Variants in TTC6 observed in about 807,000 individuals in gnomAD.
TTC6 encodes the protein tetratricopeptide repeat protein 6.
Under a neutral mutation model 210.4 loss-of-function variants are expected in TTC6, and 172 were observed. The observed-to-expected ratio is 0.82, with a 90% CI of 0.72 to 0.93. The LOEUF (loss-of-function observed/expected upper bound fraction) is 0.93. Among genes scored for constraint, TTC6 ranks in the 40% least tolerant of loss-of-function variants. The probability of loss-of-function intolerance (pLI) is 0.00; values close to 1 mark genes in which losing one functional copy is unlikely to be tolerated. For synonymous variants in TTC6, 804 were observed against 819.6 expected (o/e 0.98, Z 0.32); for missense variants, 2,414 against 2,318.1 (o/e 1.04, Z -0.85).
chr14:37,812,592 G>GA (rs1384050078), intron 25 of TTC6, among the ~76,000 whole-genome samples, 159 bp downstream of exon 27: 11 of 132,458 alleles, frequency 8.3e-5, no homozygotes, highest in Non-Finnish European at 1.6e-4. Flanking sequence ...TAGGCTCTTT[G>GA]AAAAAATGTA....
Position 37,792,432 on chromosome 14 carries a change from A to G in TTC6, c.3708+18A>G. ...ATTTTAAGGTATTTAAGGCTCGAGA[A>G]CCTTGATTTTTTTAAAAAAACTTTA... is the stretch of plus-strand genomic sequence containing the variant. On this transcript the variant is annotated intron_variant, in intron 17 of 30. Transcript: ENST00000553443. The G allele has an allele frequency of 6.9e-7, 1 of 1,449,136 alleles. No homozygotes were observed. The highest frequency in any genetic ancestry group is 9.0e-7 in the Non-Finnish European group (1 of 1,110,028). 89.8% of individuals were successfully genotyped at this position (1,449,136 alleles called of 1,614,324 possible).
In TTC6 at chr14:37,692,385, G is replaced by A. The variant is rs143069514; in HGVS notation, c.1258-4332G>A. 3.2e-4 allele frequency among the ~76,000 whole-genome samples: 49 copies of A among 151,948 alleles called. No homozygotes were observed. The East Asian group carries it at 9.1e-3, about 28-fold the overall frequency. ...AATCCCACTTTGGGATGCAAGGATG[G>A]TTCAACATATGCAAATCAATTAATG... On this transcript the variant is annotated intron_variant, in intron 3 of 30. Transcript: ENST00000553443.
chr14:37,840,132 A>T (rs1224533202), intron 29 of TTC6, among the ~76,000 whole-genome samples: 1 of 152,104 alleles, frequency 6.6e-6, no homozygotes, highest in Non-Finnish European at 1.5e-5. Context: ...AATCAAATAG[A>T]CACAATAAAA....
chr14:37,758,054 A>G (rs937232524), intron 14 of TTC6, among the ~76,000 whole-genome samples: 19 of 152,146 alleles, frequency 1.2e-4, no homozygotes, highest in Admixed American at 4.6e-4. Context: ...ACTGTTTGTT[A>G]TGATTTCCAT....
chr14:37,637,813 A>G (rs2095683900), intron 1 of TTC6, among the ~76,000 whole-genome samples: 1 of 152,192 alleles, frequency 6.6e-6, no homozygotes, highest in Admixed American at 6.5e-5. Context: ...TAAAATAATA[A>G]TTAAAAAAAG....
chr14:37,765,118 C>T (rs1224262606), intron 14 of TTC6, among the ~76,000 whole-genome samples: 2 of 151,508 alleles, frequency 1.3e-5, no homozygotes, highest in African/African-American at 4.8e-5. Flanking sequence ...TAAGTTTGTC[C>T]CCAACTTGAT....
intron 5 of TTC6, among the ~76,000 whole-genome samples, chr14:37,713,381 G>GGT (rs1283694529): frequency 6.6e-6 from 1 of 152,174 alleles, no homozygotes; most frequent in Non-Finnish European, 1.5e-5. Context: ...TGGGACTACA[G>GGT]GTGTGTGCCA....
Position 37,652,732 on chromosome 14 carries a change from C to T in TTC6, c.940-27419C>T, listed in dbSNP as rs177864. 4.7e-3 allele frequency among the ~76,000 whole-genome samples: 720 copies of T among 152,162 alleles called. 12 individuals are homozygous for T. The highest frequency in any genetic ancestry group is 0.016 in the African/African-American group (658 of 41,514). On this transcript the variant is annotated intron_variant, in intron 1 of 30. Coordinates refer to ENST00000553443, the Ensembl canonical transcript of TTC6. The stretch of plus-strand genomic sequence containing the variant: ...TAATGTTACTAGTTTCTGACTTCCC[C>T]GCCTCCATTAAGAGAAGATTTGTTG...
intron 7 of TTC6, among the ~76,000 whole-genome samples, chr14:37,725,506 A>G (rs71407726): frequency 0.057 from 8,592 of 150,680 alleles, 377 homozygotes; most frequent in Non-Finnish European, 0.089. Flanking sequence ...ATGTGCCACC[A>G]CACCTGGCTA....
chr14:37,775,217 A>T (rs1030577650), intron 14 of TTC6, among the ~76,000 whole-genome samples: 1 of 152,044 alleles, frequency 6.6e-6, no homozygotes, highest in Non-Finnish European at 1.5e-5. Context: ...GGCTTTTCAC[A>T]TCTCAATTTC....
intron 7 of TTC6, among the ~76,000 whole-genome samples, chr14:37,728,694 T>C (rs1409150853): frequency 6.6e-6 from 1 of 152,202 alleles, no homozygotes; most frequent in East Asian, 1.9e-4. Flanking sequence ...GGTCCTACTA[T>C]TATTATTTTA....
intron 1 of TTC6, among the ~76,000 whole-genome samples, chr14:37,647,948 TGTCAA>T (rs2139408485): frequency 6.6e-6 from 1 of 152,238 alleles, no homozygotes; most frequent in South Asian, 2.1e-4. Context: ...TGTCAAATAC[TGTCAA>T]GTCTAGTAAG....
At chr14:37,631,566 T>C (rs1418483222) in intron 1 of TTC6, among the ~76,000 whole-genome samples, 1 of 152,198 alleles carries the variant, frequency 6.6e-6, no homozygotes, top group Non-Finnish European at 1.5e-5. Flanking sequence ...ATTTCAACCT[T>C]GATAAACCTG....
chr14:37,609,860 C>A (rs35143297), intron 2 of TTC6, among the ~76,000 whole-genome samples: 1 of 152,208 alleles, frequency 6.6e-6, no homozygotes, highest in South Asian at 2.1e-4. Context: ...TGGCCTGAAG[C>A]GGCTACTCCT....
At chr14:37,831,591 T>G (rs1446137793) in intron 29 of TTC6, among the ~76,000 whole-genome samples, 1 of 135,736 alleles carries the variant, frequency 7.4e-6, no homozygotes, top group Non-Finnish European at 1.6e-5. Context: ...TTTTTGTGTG[T>G]GTTTTTCTTT....
intron 4 of TTC6, among the ~76,000 whole-genome samples, chr14:37,699,028 T>C (rs947532183): frequency 2.0e-5 from 3 of 152,184 alleles, no homozygotes; most frequent in African/African-American, 7.2e-5. Flanking sequence ...GCCAGCCATA[T>C]TGAGTGGTCA....
chr14:37,622,807 A>G (rs911489430), exon 1 of TTC6: 12 of 1,533,996 alleles, frequency 7.8e-6, no homozygotes, highest in South Asian at 1.2e-5. Flanking sequence ...TTAGGAGCCC[A>G]GGGAGAACAG....
chr14:37,822,384 A>G (rs920764413), intron 26 of TTC6, among the ~76,000 whole-genome samples: 2 of 152,196 alleles, frequency 1.3e-5, no homozygotes, highest in African/African-American at 4.8e-5. Flanking sequence ...CTCTTGAGTA[A>G]CCTCTAGAAG....
chr14:37,826,292 G>A (rs2096171352), exon 28 of TTC6: 1 of 1,611,916 alleles, frequency 6.2e-7, no homozygotes, highest in South Asian at 1.1e-5. Flanking sequence ...GCTGTGGTCT[G>A]TCTTCAGATG....
Sources: allele counts gnomAD v4.1 joint callset (sites outside exome capture counted in the v4.1 genomes callset), GRCh38; gene constraint gnomAD v4.1.1; transcripts MANE v1.5; gene names NCBI Gene and HGNC (gene_info 2026-07-23, HGNC 2026-07-21).